The following RBFOX1 variants were observed in gnomAD, a reference collection of about 807,000 sequenced individuals.
RBFOX1 encodes the protein RNA binding fox-1 homolog 1.
A neutral mutation model predicts 57.7 loss-of-function variants in RBFOX1; 8 were observed. The ratio of observed to expected loss-of-function variants is 0.14; its 90% CI spans 0.08 to 0.25. RBFOX1 has a LOEUF of 0.25. RBFOX1 is among the 10% of genes least tolerant of loss of function. The pLI is 1.00. For missense variants in RBFOX1, 611 were observed against 548.5 expected (o/e 1.11, Z -1.14); for synonymous variants, 326 against 222.4 (o/e 1.47, Z -4.15).
chr16:5,368,222 G>A (rs540249387), intron 1 of RBFOX1, among the ~76,000 whole-genome samples: 8 of 152,332 alleles, frequency 5.3e-5, no homozygotes, highest in Non-Finnish European at 1.2e-4. Context: ...TTGAATCATT[G>A]GAGAAGCGTG....
intron 5 of RBFOX1, among the ~76,000 whole-genome samples, chr16:7,547,441 G>T (rs191524553): frequency 7.2e-4 from 109 of 152,314 alleles, no homozygotes; most frequent in African/African-American, 2.3e-3. Flanking sequence ...GAGAAGAAAA[G>T]ACAAGAGAAG....
chr16:7,343,694 C>T (rs2096940168), intron 4 of RBFOX1, among the ~76,000 whole-genome samples: 1 of 152,132 alleles, frequency 6.6e-6, no homozygotes, highest in South Asian at 2.1e-4. Flanking sequence ...AAAAAACAGG[C>T]AAACAGGAGG....
chr16:6,108,728 C>T (rs1418473084), intron 1 of RBFOX1, among the ~76,000 whole-genome samples: 2 of 151,978 alleles, frequency 1.3e-5, no homozygotes. Flanking sequence ...GTGTCTCCTC[C>T]TTCCTCTTCT....
chr16:5,703,798 T>C (rs56890761), intron 3 of RBFOX1, among the ~76,000 whole-genome samples: 137 of 152,352 alleles, frequency 9.0e-4, no homozygotes, highest in African/African-American at 3.1e-3. Flanking sequence ...TATATATATA[T>C]GTGTACATAT....
intron 3 of RBFOX1, among the ~76,000 whole-genome samples, chr16:7,048,745 A>G (rs746781806): frequency 6.6e-6 from 1 of 152,104 alleles, no homozygotes; most frequent in Non-Finnish European, 1.5e-5. Context: ...TTCCCATGCA[A>G]ATTTAGATTT....
chr16:6,254,439 C>A (rs12448139), intron 1 of RBFOX1, among the ~76,000 whole-genome samples: 95,013 of 152,036 alleles, frequency 0.62, 30,983 homozygotes, highest in East Asian at 0.81. Flanking sequence ...GAAATTAAAT[C>A]TTTTATTTTC....
At chr16:7,169,417 G>C (rs191563371) in intron 4 of RBFOX1, among the ~76,000 whole-genome samples, 1 of 152,198 alleles carries the variant, frequency 6.6e-6, no homozygotes, top group South Asian at 2.1e-4. Context: ...GCATTTGCAC[G>C]ATGTTTAACG....
At chr16:6,733,159 C>T (rs1427972976) in intron 3 of RBFOX1, among the ~76,000 whole-genome samples, 1 of 152,108 alleles carries the variant, frequency 6.6e-6, no homozygotes, top group African/African-American at 2.4e-5. Context: ...ATGAGAACAG[C>T]CAACCCCTCA....
chr16:7,080,153 C>A (rs552780175), intron 4 of RBFOX1, among the ~76,000 whole-genome samples: 2 of 150,058 alleles, frequency 1.3e-5, no homozygotes, highest in Non-Finnish European at 3.0e-5. Flanking sequence ...CAATATTATT[C>A]CTCAGCCAAA....
At chr16:7,054,074 C>T (rs1245450181) in intron 4 of RBFOX1, among the ~76,000 whole-genome samples, 2 of 151,388 alleles carry the variant, frequency 1.3e-5, no homozygotes, top group Non-Finnish European at 2.9e-5. Context: ...TTCTTCTGCC[C>T]TCTTCATTTT....
chr16:6,002,175 A>T (rs542137477), intron 4 of RBFOX1, among the ~76,000 whole-genome samples: 40 of 152,112 alleles, frequency 2.6e-4, no homozygotes, highest in Admixed American at 1.6e-3. Context: ...CTAGGTCTTG[A>T]TATGTTGCCC....
At chr16:6,559,371 C>A (rs74008208) in intron 2 of RBFOX1, among the ~76,000 whole-genome samples, 2,972 of 151,984 alleles carry the variant, frequency 0.02, 95 homozygotes, top group African/African-American at 0.067. Flanking sequence ...TACACACACA[C>A]GTATGTATAC....
intron 3 of RBFOX1, among the ~76,000 whole-genome samples, chr16:5,741,415 G>T (rs1310576519): frequency 6.6e-6 from 1 of 152,018 alleles, no homozygotes; most frequent in Non-Finnish European, 1.5e-5. Flanking sequence ...CATCTTAAAT[G>T]TCCTCATTAA....
intron 3 of RBFOX1, among the ~76,000 whole-genome samples, chr16:6,799,913 G>A (rs1385307175): frequency 2.6e-5 from 4 of 152,140 alleles, no homozygotes; most frequent in African/African-American, 9.7e-5. Flanking sequence ...TCTTCAGTTT[G>A]CAGATGGCTT....
chr16:7,542,397 T>A (rs1454489914), intron 5 of RBFOX1, among the ~76,000 whole-genome samples: 1 of 151,844 alleles, frequency 6.6e-6, no homozygotes, highest in Non-Finnish European at 1.5e-5. Context: ...ATTACCCGGG[T>A]CTGCAGGTGA....
chr16:6,684,274 G>A (rs1284584590), intron 3 of RBFOX1, among the ~76,000 whole-genome samples: 1 of 152,190 alleles, frequency 6.6e-6, no homozygotes, highest in African/African-American at 2.4e-5. Context: ...GGCAGTGCAC[G>A]ATAAAGAAAA....
intron 4 of RBFOX1, among the ~76,000 whole-genome samples, chr16:7,197,266 C>G (rs1405738160): frequency 6.6e-6 from 1 of 152,102 alleles, no homozygotes; most frequent in African/African-American, 2.4e-5. Flanking sequence ...AACTGTGGCT[C>G]TGAGCAGCTA....
At chr16:6,254,201 A>G (rs945403002) in intron 1 of RBFOX1, among the ~76,000 whole-genome samples, 1 of 152,168 alleles carries the variant, frequency 6.6e-6, no homozygotes, top group Non-Finnish European at 1.5e-5. Flanking sequence ...AGGCTACTGG[A>G]TATTGCCTGT....
At chr16:5,919,758 G>A (rs910912865) in intron 4 of RBFOX1, among the ~76,000 whole-genome samples, 1 of 152,090 alleles carries the variant, frequency 6.6e-6, no homozygotes, top group South Asian at 2.1e-4. Context: ...CCCCATACCC[G>A]TTAGGAGTGA....
Sources: gnomAD v4.1 joint callset for allele counts (sites outside exome capture counted in the v4.1 genomes callset) on GRCh38, gnomAD v4.1.1 for gene constraint, MANE v1.5 for transcripts, NCBI Gene and HGNC (gene_info 2026-07-23, HGNC 2026-07-21) for gene names.